Variants in MAGI2 observed in about 807,000 individuals in gnomAD.
The protein encoded by MAGI2 is membrane associated guanylate kinase, WW and PDZ domain containing 2, also known as membrane-associated guanylate kinase, WW and PDZ domain-containing protein 2.
A neutral mutation model predicts 133.3 loss-of-function variants in MAGI2; 35 were observed. The observed-to-expected ratio is 0.26, with a 90% confidence interval of 0.20 to 0.35. The LOEUF (loss-of-function observed/expected upper bound fraction) is 0.35, where lower values mean the gene tolerates loss of function less well. Ranked by LOEUF, MAGI2 falls within the 10% of genes least tolerant of loss-of-function variation. The pLI, the probability that MAGI2 is intolerant of heterozygous loss-of-function variation, is 1.00. For synonymous variants in MAGI2, 729 were observed against 710.6 expected (o/e 1.03, Z -0.41); for missense variants, 1,636 against 1,863.4 (o/e 0.88, Z 2.25).
chr7:79,102,719 G>A (rs1374901336), intron 1 of MAGI2, among the ~76,000 whole-genome samples: 1 of 152,112 alleles, frequency 6.6e-6, no homozygotes, highest in Non-Finnish European at 1.5e-5. Context: ...TCAATTTAAA[G>A]ACATTTTAGT....
At chr7:78,463,055 A>G (rs1248285169) in intron 6 of MAGI2, among the ~76,000 whole-genome samples, 1 of 152,234 alleles carries the variant, frequency 6.6e-6, no homozygotes, top group Non-Finnish European at 1.5e-5. Context: ...GGCAGCTTAT[A>G]AAAATGTTAT....
At chr7:78,249,548 G>A (rs1792159934) in intron 10 of MAGI2, among the ~76,000 whole-genome samples, 1 of 152,120 alleles carries the variant, frequency 6.6e-6, no homozygotes, top group Non-Finnish European at 1.5e-5. Flanking sequence ...ATGAAATCCT[G>A]TCATTTGCAA....
At chr7:78,743,793 T>C (rs1435964610) in intron 2 of MAGI2, among the ~76,000 whole-genome samples, 1 of 152,186 alleles carries the variant, frequency 6.6e-6, no homozygotes, top group Admixed American at 6.5e-5. Flanking sequence ...GAAATCTGTT[T>C]TTCCATTTTT....
At chr7:78,114,052 G>T (rs1460173060) in intron 20 of MAGI2, among the ~76,000 whole-genome samples, 4 of 152,194 alleles carry the variant, frequency 2.6e-5, no homozygotes, top group Non-Finnish European at 4.4e-5. Flanking sequence ...AGGGTAACTT[G>T]TTCAGGTCAG....
At chr7:78,465,842 G>A (rs913665701) in intron 6 of MAGI2, among the ~76,000 whole-genome samples, 1 of 151,838 alleles carries the variant, frequency 6.6e-6, no homozygotes, top group Non-Finnish European at 1.5e-5. Context: ...CTTACTTTAG[G>A]TTCTCATCTC....
intron 2 of MAGI2, among the ~76,000 whole-genome samples, chr7:78,829,341 A>G (rs1790935755): frequency 6.6e-6 from 1 of 152,040 alleles, no homozygotes; most frequent in African/African-American, 2.4e-5. Context: ...ATATCTGGCA[A>G]CTATTTCTTT....
At chr7:79,402,073 A>T (rs921398371) in intron 1 of MAGI2, among the ~76,000 whole-genome samples, 1 of 152,142 alleles carries the variant, frequency 6.6e-6, no homozygotes, top group Non-Finnish European at 1.5e-5. Context: ...ACATGATTCT[A>T]CAAAACTCTG....
intron 1 of MAGI2, among the ~76,000 whole-genome samples, chr7:79,222,611 G>A (rs532275661): frequency 4.6e-5 from 7 of 151,904 alleles, no homozygotes; most frequent in South Asian, 4.1e-4. Context: ...ATCTTTTATC[G>A]AAAACTATCT....
intron 1 of MAGI2, among the ~76,000 whole-genome samples, chr7:79,328,882 C>T (rs1839878989): frequency 6.6e-6 from 1 of 152,144 alleles, no homozygotes; most frequent in Non-Finnish European, 1.5e-5. Flanking sequence ...AATGGAAAAG[C>T]AGAAGTTTAA....
intron 3 of MAGI2, among the ~76,000 whole-genome samples, chr7:78,556,554 G>A (rs1370949950): frequency 6.6e-6 from 1 of 152,220 alleles, no homozygotes; most frequent in East Asian, 1.9e-4. Flanking sequence ...GAGCACTTGA[G>A]GGAATGAGGA....
chr7:79,157,036 C>T (rs1823844330), intron 1 of MAGI2, among the ~76,000 whole-genome samples: 2 of 152,034 alleles, frequency 1.3e-5, no homozygotes. Context: ...GGTTTTTCTC[C>T]TAGGAAGTTG....
intron 1 of MAGI2, among the ~76,000 whole-genome samples, chr7:79,437,666 G>A (rs1343134097): frequency 1.3e-5 from 2 of 152,080 alleles, no homozygotes; most frequent in Non-Finnish European, 2.9e-5. Flanking sequence ...AAGAAGGTTG[G>A]TCTTAAATTA....
chr7:78,775,758 G>A (rs1825939215), intron 2 of MAGI2, among the ~76,000 whole-genome samples: 1 of 152,066 alleles, frequency 6.6e-6, no homozygotes, highest in East Asian at 1.9e-4. Context: ...GTGAAGTCTG[G>A]AAAATCTAAA....
intron 9 of MAGI2, among the ~76,000 whole-genome samples, chr7:78,281,776 CCAT>C (rs1437869693): frequency 9.8e-6 from 1 of 102,110 alleles, no homozygotes. Flanking sequence ...CAACTTATCT[CCAT>C]CAAGAGTTTT....
chr7:78,047,589 T>C (rs1381004647), intron 21 of MAGI2, among the ~76,000 whole-genome samples: 1 of 152,230 alleles, frequency 6.6e-6, no homozygotes, highest in Non-Finnish European at 1.5e-5. Flanking sequence ...TGTCTCTGCC[T>C]GATTTTCCAC....
chr7:79,339,466 T>TG (rs1554450149), intron 1 of MAGI2, among the ~76,000 whole-genome samples: 1 of 143,828 alleles, frequency 7.0e-6, no homozygotes, highest in Non-Finnish European at 1.5e-5. Flanking sequence ...TTGTTTTTGT[T>TG]TTTTTTTTTT....
chr7:78,136,614 C>A (rs903946794), intron 16 of MAGI2, among the ~76,000 whole-genome samples: 2 of 152,208 alleles, frequency 1.3e-5, no homozygotes, highest in African/African-American at 4.8e-5. Context: ...TATTCCCTTT[C>A]CATTCTCCCT....
In MAGI2 at chr7:78,178,028, C is replaced by T; in HGVS notation, c.2386G>A (p.Asp796Asn). 2.5e-6 allele frequency: 4 copies of T among 1,612,736 alleles called. No individual in the cohort carries two copies. Among genetic ancestry groups the T allele is most frequent in the Non-Finnish European group, 3.4e-6 (4 of 1,178,874 alleles). Residue 796 changes from aspartate (D) to asparagine (N), a missense_variant, in exon 14 of 22, where the codon GAT becomes AAT. Asp to Asn is a conservative substitution (Grantham distance 23). Coordinates refer to ENST00000354212, the MANE Select transcript of MAGI2 (RefSeq NM_012301.4). Reference sequence around the variant, plus strand: ...CAACTTACAGGCTGTCCAGGCTCATCTCCCCCGAGGATTCTGAAGCCAAAT... The same window carrying T: ...CAACTTACAGGCTGTCCAGGCTCATTTCCCCCGAGGATTCTGAAGCCAAAT... ...SGFGFRILGG[D>N]EPGQPILIGA...
chr7:78,819,157 G>A (rs1789867554), intron 2 of MAGI2, among the ~76,000 whole-genome samples: 1 of 152,026 alleles, frequency 6.6e-6, no homozygotes, highest in African/African-American at 2.4e-5. Flanking sequence ...AATTGATTTT[G>A]TATTTTATAA....
Sources: allele counts gnomAD v4.1 joint callset (sites outside exome capture counted in the v4.1 genomes callset), GRCh38; gene constraint gnomAD v4.1.1; transcripts MANE v1.5; gene names NCBI Gene and HGNC (gene_info 2026-07-23, HGNC 2026-07-21).